The following PLCL1 variants were observed in gnomAD, a reference collection of about 807,000 sequenced individuals.
PLCL1 encodes inactive phospholipase C-like protein 1.
Under a neutral mutation model 84.4 loss-of-function variants are expected in PLCL1, and 41 were observed. The observed-to-expected ratio is 0.49, with a 90% CI of 0.38 to 0.63. The LOEUF (loss-of-function observed/expected upper bound fraction) is 0.63. Ranked by LOEUF, PLCL1 falls within the 30% of genes least tolerant of loss-of-function variation. The probability of loss-of-function intolerance (pLI) is 0.00; values close to 1 mark genes in which losing one functional copy is unlikely to be tolerated. For missense variants in PLCL1, 1,206 were observed against 1,367.8 expected (o/e 0.88, Z 1.87); for synonymous variants, 490 against 488.3 (o/e 1.00, Z -0.05).
chr2:197,846,093 A>G (rs1687116798), intron 1 of PLCL1, among the ~76,000 whole-genome samples: 1 of 152,142 alleles, frequency 6.6e-6, no homozygotes, highest in African/African-American at 2.4e-5. Context: ...ATGAGGAAAA[A>G]AATCTGAAAG....
At chr2:197,891,840 T>TTGA (rs1436042397) in intron 1 of PLCL1, among the ~76,000 whole-genome samples, 3 of 152,196 alleles carry the variant, frequency 2.0e-5, no homozygotes, top group African/African-American at 7.2e-5. Flanking sequence ...ACATTCCTAC[T>TTGA]TGATAGTTCA....
intron 1 of PLCL1, among the ~76,000 whole-genome samples, chr2:197,954,555 T>C (rs1574966776): frequency 6.6e-6 from 1 of 152,050 alleles, no homozygotes; most frequent in East Asian, 1.9e-4. Context: ...AAGAATTATA[T>C]GCTAATTTAG....
intron 1 of PLCL1, among the ~76,000 whole-genome samples, chr2:197,969,387 T>A (rs1689814276): frequency 6.6e-6 from 1 of 152,142 alleles, no homozygotes; most frequent in African/African-American, 2.4e-5. Flanking sequence ...AGACTCTGAG[T>A]TAATTAGGTG....
At chr2:197,923,739 C>A (rs2105758716) in intron 1 of PLCL1, among the ~76,000 whole-genome samples, 1 of 152,266 alleles carries the variant, frequency 6.6e-6, no homozygotes, top group East Asian at 1.9e-4. Flanking sequence ...AGATGCTCCT[C>A]ACTTCCCAGA....
chr2:197,888,296 G>A (rs766270743), intron 1 of PLCL1, among the ~76,000 whole-genome samples: 2 of 151,782 alleles, frequency 1.3e-5, no homozygotes, highest in Non-Finnish European at 2.9e-5. Context: ...GTTAAAGATA[G>A]GTAATTAACC....
chr2:197,997,284 G>A (rs563860260), intron 1 of PLCL1, among the ~76,000 whole-genome samples: 1 of 152,186 alleles, frequency 6.6e-6, no homozygotes, highest in East Asian at 1.9e-4. Context: ...TCTTTGTTTG[G>A]CTCTGTCTTT....
chr2:198,018,228 G>A (rs11681663), intron 1 of PLCL1, among the ~76,000 whole-genome samples: 73,450 of 151,926 alleles, frequency 0.48, 18,121 homozygotes, highest in Middle Eastern at 0.63. Flanking sequence ...CACAGTCTTC[G>A]CAACCTACAG....
At chr2:198,143,365 C>T (rs1694434516) in intron 5 of PLCL1, among the ~76,000 whole-genome samples, 1 of 152,208 alleles carries the variant, frequency 6.6e-6, no homozygotes, top group Non-Finnish European at 1.5e-5. Context: ...ACCCACTGCT[C>T]ACGTCCTGCT....
intron 1 of PLCL1, among the ~76,000 whole-genome samples, chr2:197,836,458 A>G (rs1241776430): frequency 1.9e-4 from 29 of 149,920 alleles, no homozygotes; most frequent in African/African-American, 6.9e-4. Flanking sequence ...AAAAAAAAAA[A>G]AAAAAAAAAA....
rs145032978 is a variant in PLCL1, at chr2:197,986,547, A to T, written c.241-97211A>T. Among the ~76,000 whole-genome samples the T allele has an allele frequency of 1.4e-3, 217 of 152,170 alleles. 1 individual carries two copies. Among genetic ancestry groups the T allele is most frequent in the Non-Finnish European group, 2.9e-3 (195 of 67,996 alleles). ...TTAAATTTTGTAGAGATGGAGTCTT[A>T]CTATGTCGCCAGGCTGGTCTTGAAC... On this transcript the variant is annotated intron_variant, in intron 1 of 5. Transcript: ENST00000428675.
At chr2:197,894,221 C>T (rs1262814601) in intron 1 of PLCL1, among the ~76,000 whole-genome samples, 1 of 151,932 alleles carries the variant, frequency 6.6e-6, no homozygotes, top group Admixed American at 6.6e-5. Context: ...CTTTGTCAAC[C>T]TTAAAAGTAG....
At chr2:197,857,087 T>C (rs1406554681) in intron 1 of PLCL1, among the ~76,000 whole-genome samples, 2 of 152,074 alleles carry the variant, frequency 1.3e-5, no homozygotes, top group African/African-American at 4.8e-5. Flanking sequence ...TGGCACATGT[T>C]TACCTATGTA....
intron 1 of PLCL1, among the ~76,000 whole-genome samples, chr2:197,969,746 C>G (rs1461413456): frequency 1.3e-5 from 2 of 152,190 alleles, no homozygotes; most frequent in African/African-American, 2.4e-5. Context: ...GAAATGTGAT[C>G]AGAAGTGATG....
intron 5 of PLCL1, among the ~76,000 whole-genome samples, chr2:198,117,891 TCTC>T (rs1342037140): frequency 1.3e-5 from 2 of 151,796 alleles, no homozygotes; most frequent in Admixed American, 1.3e-4. Context: ...TCCTTCCTGT[TCTC>T]CTTTATCAAT....
Position 198,028,788 on chromosome 2 carries a change from A to G in PLCL1, c.241-54970A>G, listed in dbSNP as rs1363732843. On this transcript the variant is annotated intron_variant, in intron 1 of 5. Transcript: ENST00000428675. ...ATGACATTTCATGAACTTATTTTCT[A>G]TGAGGTTTCTAACATGACTTTGGCC... is the stretch of plus-strand genomic sequence containing the variant. Among the ~76,000 whole-genome samples, 6 of 152,156 alleles carry G rather than the reference A, an allele frequency of 3.9e-5. No homozygotes were observed. The South Asian group carries it at 1.0e-3, about 26-fold the overall frequency.
At chr2:197,827,357 T>C (rs984638345) in intron 1 of PLCL1, among the ~76,000 whole-genome samples, 4 of 152,160 alleles carry the variant, frequency 2.6e-5, no homozygotes, top group Non-Finnish European at 5.9e-5. Context: ...TGTGTATATA[T>C]GCATATAAAT....
intron 1 of PLCL1, among the ~76,000 whole-genome samples, chr2:197,943,627 C>CTTTTTTTTTTTTTTT (rs5837573): frequency 3.6e-4 from 43 of 119,172 alleles, no homozygotes; most frequent in Middle Eastern, 4.9e-3. Context: ...TTGGTTACAT[C>CTTTTTTTTTTTTTTT]TTTTTTTTTT....
chr2:197,981,546 T>C (rs1690105318), intron 1 of PLCL1, among the ~76,000 whole-genome samples: 1 of 152,228 alleles, frequency 6.6e-6, no homozygotes, highest in Non-Finnish European at 1.5e-5. Context: ...ACTTTGTCAA[T>C]CATTTAGGGC....
intron 1 of PLCL1, among the ~76,000 whole-genome samples, chr2:198,077,374 G>A (rs1199125452): frequency 6.6e-6 from 1 of 151,994 alleles, no homozygotes; most frequent in Non-Finnish European, 1.5e-5. Flanking sequence ...AGGAACATAA[G>A]ACATTCTCTT....
Sources: allele counts gnomAD v4.1 joint callset (sites outside exome capture counted in the v4.1 genomes callset), GRCh38; gene constraint gnomAD v4.1.1; transcripts MANE v1.5; gene names NCBI Gene and HGNC (gene_info 2026-07-23, HGNC 2026-07-21).